The following TRRAP variants were observed in gnomAD, a reference collection of about 807,000 sequenced individuals.
TRRAP encodes the protein transformation/transcription domain-associated protein.
Under a neutral mutation model 438.8 loss-of-function variants are expected in TRRAP, and 41 were observed. The ratio of observed to expected loss-of-function variants is 0.09; its 90% CI spans 0.07 to 0.12. TRRAP has a LOEUF of 0.12. TRRAP is among the 10% of genes least tolerant of loss of function. The pLI is 1.00. For missense variants in TRRAP, 3,122 were observed against 5,055.1 expected (o/e 0.62, Z 11.60); for synonymous variants, 1,994 against 1,962.9 (o/e 1.02, Z -0.42).
chr7:98,933,128 T>G, intron 26 of TRRAP, 113 bp from the exon 27 acceptor site: 6 of 1,374,160 alleles, frequency 4.4e-6, no homozygotes, highest in Non-Finnish European at 5.8e-6. Context: ...CGTTCCCTAA[T>G]GAGAAGATAT....
In TRRAP at chr7:99,005,998, T is replaced by A. The variant is rs935135482; in HGVS notation, c.10753+650T>A. Among the ~76,000 whole-genome samples the A allele has an allele frequency of 1.3e-5, 2 of 152,242 alleles. No homozygotes were observed. Among genetic ancestry groups the A allele is most frequent in the Admixed American group, 1.3e-4 (2 of 15,290 alleles). On this transcript the variant is annotated intron_variant, in intron 69 of 72. Coordinates refer to ENST00000456197, the MANE Select transcript of TRRAP (RefSeq NM_001375524.1). The surrounding 1 kb of genome is among the most constrained non-coding windows in gnomAD (Gnocchi z 5.1). ...TCTAGCTGCTTCACACGCTGCACTC[T>A]GGGCCCTCCCTGAATTTCATTCCTG...
At chr7:98,936,266 T>TA (rs1370672168) in intron 28 of TRRAP, among the ~76,000 whole-genome samples, 1 of 152,198 alleles carries the variant, frequency 6.6e-6, no homozygotes, top group East Asian at 1.9e-4. Context: ...TCCAGAATCT[T>TA]TCTTGAGTTA....
chr7:99,009,058 C>G (rs1022446233), intron 70 of TRRAP, among the ~76,000 whole-genome samples: 1 of 152,154 alleles, frequency 6.6e-6, no homozygotes, highest in East Asian at 1.9e-4. Context: ...CCAGCTGTTT[C>G]GGTTGCCTGA....
At position 99,012,660 on chromosome 7, in the gene TRRAP, T is replaced by C. The variant is rs1794478595; in HGVS notation, c.*305T>C. The C allele has an allele frequency of 2.4e-6, 1 of 413,264 alleles. No homozygotes were observed. The highest frequency in any genetic ancestry group is 4.2e-5 in the Admixed American group (1 of 24,040). 25.6% of individuals were successfully genotyped at this position (413,264 alleles called of 1,614,324 possible). On this transcript the variant is annotated 3_prime_UTR_variant, in exon 73 of 73. Coordinates refer to ENST00000456197, the MANE Select transcript of TRRAP (RefSeq NM_001375524.1). The surrounding 1 kb of genome is among the most constrained non-coding windows in gnomAD (Gnocchi z 5.9). Reference sequence around the variant, plus strand: ...TGGAATTTCTGAGTGAGTCCTTTTTTTATGGTGTCCTCCCTCTGTGAATGT... The same window carrying C: ...TGGAATTTCTGAGTGAGTCCTTTTTCTATGGTGTCCTCCCTCTGTGAATGT...
intron 19 of TRRAP, 100 bp downstream of exon 19, chr7:98,915,988 T>C: frequency 4.7e-6 from 7 of 1,484,064 alleles, no homozygotes; most frequent in Admixed American, 2.0e-5. Context: ...AACTGGTGAG[T>C]GTCATGGTTG....
At chr7:98,933,970 C>T (rs573649499) in intron 27 of TRRAP, among the ~76,000 whole-genome samples, 2 of 152,230 alleles carry the variant, frequency 1.3e-5, no homozygotes, top group African/African-American at 2.4e-5. Flanking sequence ...TTATTTAGAG[C>T]ATGATTCCTA....
chr7:98,975,696 T>G (rs548485328), intron 53 of TRRAP, among the ~76,000 whole-genome samples: 1 of 152,260 alleles, frequency 6.6e-6, no homozygotes, highest in Non-Finnish European at 1.5e-5. Context: ...GACTGAACTT[T>G]CAGTTCTTGA....
intron 18 of TRRAP, 112 bp from the exon 19 acceptor site, chr7:98,915,611 C>A: frequency 7.5e-7 from 1 of 1,326,156 alleles, no homozygotes. Context: ...TTGGAGTAAA[C>A]ACATCAGAAT....
At chr7:98,933,452 G>A (rs1316510800) in intron 27 of TRRAP, 50 bp downstream of exon 27, 2 of 1,569,604 alleles carry the variant, frequency 1.3e-6, no homozygotes, top group Admixed American at 1.7e-5. Context: ...ACGTGTGTCT[G>A]CTAGCCTGTC....
chr7:98,962,798 G>A (rs1791973376), intron 47 of TRRAP, among the ~76,000 whole-genome samples: 1 of 152,200 alleles, frequency 6.6e-6, no homozygotes, highest in Non-Finnish European at 1.5e-5. Context: ...CTCACAAGAT[G>A]AGAACTTGTC....
intron 22 of TRRAP, among the ~76,000 whole-genome samples, chr7:98,925,677 T>TA (rs1400465433): frequency 2.6e-5 from 4 of 152,358 alleles, no homozygotes; most frequent in African/African-American, 9.6e-5. Flanking sequence ...ATCTTGCTCT[T>TA]ACCTCTTGAG....
At chr7:98,897,966 A>C in intron 8 of TRRAP, 100 bp downstream of exon 8, 1 of 1,560,496 alleles carries the variant, frequency 6.4e-7, no homozygotes, top group African/African-American at 1.4e-5. Context: ...GGAGGCATTT[A>C]AGACAAACGT....
intron 27 of TRRAP, among the ~76,000 whole-genome samples, chr7:98,934,720 G>GT (rs1790482014): frequency 1.3e-5 from 2 of 152,204 alleles, no homozygotes; most frequent in South Asian, 4.1e-4. Flanking sequence ...CTGTGTGGCT[G>GT]TGTTGGGGTT....
In TRRAP at chr7:99,005,218, A is replaced by G; in HGVS notation, c.10623A>G (p.Pro3541=). The G allele has an allele frequency of 2.5e-6, 4 of 1,614,172 alleles. No homozygotes were observed. Among genetic ancestry groups the G allele is most frequent in the Non-Finnish European group, 3.4e-6 (4 of 1,180,038 alleles). ...GGGGACACAATGGCAAGATCTACCC[A>G]TACCTCGTCATGAACGACGCCTGCC... The part of the protein sequence containing the change: ...YIRGHNGKIY[P]YLVMNDACLT... The change falls in exon 69 of 73, where the codon CCA becomes CCG. Residue 3541 remains proline (P), a synonymous_variant. Coordinates refer to ENST00000456197, the MANE Select transcript of TRRAP (RefSeq NM_001375524.1). This position sits in a 1 kb window ranked among gnomAD's most constrained non-coding sequence, Gnocchi z 5.1.
chr7:98,942,345 A>G (rs1790834293), intron 30 of TRRAP, among the ~76,000 whole-genome samples: 2 of 152,236 alleles, frequency 1.3e-5, no homozygotes, highest in South Asian at 4.1e-4. Flanking sequence ...CCGCGTGGCC[A>G]CCGTTCCTTC....
intron 59 of TRRAP, among the ~76,000 whole-genome samples, 177 bp downstream of exon 59, chr7:98,982,137 A>AG (rs2116757077): frequency 6.6e-6 from 1 of 152,282 alleles, no homozygotes; most frequent in East Asian, 1.9e-4. Flanking sequence ...TAAAACGTTG[A>AG]GAAAAACATG....
At chr7:98,959,151 C>T (rs940770946) in intron 44 of TRRAP, among the ~76,000 whole-genome samples, 193 bp from the exon 45 acceptor site, 3 of 151,860 alleles carry the variant, frequency 2.0e-5, no homozygotes, top group South Asian at 4.2e-4. Flanking sequence ...AGGAGGGGGC[C>T]GTGAGGGGTC....
rs572124814 is a variant in TRRAP at position 99,002,836 on chromosome 7, T to C, written c.10310-1354T>C. On this transcript the variant is annotated intron_variant, in intron 67 of 72. Coordinates refer to ENST00000456197, the MANE Select transcript of TRRAP (RefSeq NM_001375524.1). ...AGGCCACTCGTATAGCTGGGTGTTA[T>C]CACGCGTGGGCAGGGATGGTCAGGC... Among the ~76,000 whole-genome samples the C allele has an allele frequency of 1.5e-4, 23 of 152,346 alleles. No homozygotes were observed. In the East Asian group the frequency reaches 4.2e-3, roughly 28 times the overall value.
At chr7:99,007,899 CAA>C (rs1794261196) in intron 69 of TRRAP, among the ~76,000 whole-genome samples, 1 of 150,588 alleles carries the variant, frequency 6.6e-6, no homozygotes. Flanking sequence ...GATCTCGGCT[CAA>C]GGCAACCTCT....
Sources: allele counts gnomAD v4.1 joint callset (sites outside exome capture counted in the v4.1 genomes callset), GRCh38; gene constraint gnomAD v4.1.1; non-coding constraint Gnocchi (gnomAD v3.1); transcripts MANE v1.5; gene names NCBI Gene and HGNC (gene_info 2026-07-23, HGNC 2026-07-21).